Variants in GSE1 observed in about 807,000 individuals in gnomAD.
The protein encoded by GSE1 is genetic suppressor element 1.
GSE1 carries 32 observed loss-of-function variants against 112.6 expected under a neutral mutation model. That is an observed-to-expected ratio of 0.28 (90% CI 0.21 to 0.38). GSE1 has a LOEUF of 0.38. Ranked by LOEUF, GSE1 falls within the 10% of genes least tolerant of loss-of-function variation. The pLI is 1.00. For synonymous variants in GSE1, 1,115 were observed against 735.6 expected (o/e 1.52, Z -8.35); for missense variants, 2,348 against 1,699.2 (o/e 1.38, Z -6.71).
At chr16:85,243,395 C>T (rs928028757) in intron 1 of GSE1, among the ~76,000 whole-genome samples, 13 of 152,350 alleles carry the variant, frequency 8.5e-5, no homozygotes, top group South Asian at 2.1e-4. Flanking sequence ...TTACCCCAAA[C>T]GGGGACACAC....
At chr16:85,590,128 GATC>G (rs950718915) in intron 1 of GSE1, among the ~76,000 whole-genome samples, 6 of 152,120 alleles carry the variant, frequency 3.9e-5, no homozygotes, top group Non-Finnish European at 7.4e-5. Context: ...GAACGTGTGT[GATC>G]ATGACCCTGT....
intron 2 of GSE1, among the ~76,000 whole-genome samples, chr16:85,494,093 T>C (rs938089811): frequency 3.9e-5 from 6 of 152,216 alleles, no homozygotes; most frequent in African/African-American, 1.4e-4. Flanking sequence ...AGTCAGTGTA[T>C]TCGTTCCCTA....
chr16:85,283,209 C>G (rs968211281), intron 1 of GSE1: 1 of 152,898 alleles, frequency 6.5e-6, no homozygotes, highest in Admixed American at 6.5e-5. Context: ...GCCATTGGGC[C>G]CGGCCACACA....
At chr16:85,226,744 G>A (rs2075492373) in intron 1 of GSE1, among the ~76,000 whole-genome samples, 1 of 148,552 alleles carries the variant, frequency 6.7e-6, no homozygotes, top group Non-Finnish European at 1.5e-5. Context: ...GCTGCCTGTG[G>A]TGCTGCCTGG....
chr16:85,613,086 G>T, upstream of GSE1: 2 of 690,830 alleles, frequency 2.9e-6, no homozygotes, highest in Admixed American at 4.6e-5. Context: ...GGGTGGATCC[G>T]GGCGCCCGTC....
chr16:85,351,361 C>A (rs1488084422), intron 1 of GSE1, among the ~76,000 whole-genome samples: 1 of 152,170 alleles, frequency 6.6e-6, no homozygotes, highest in Non-Finnish European at 1.5e-5. Flanking sequence ...ACATGACAAA[C>A]CTGAAAACAT....
At position 85,331,683 on chromosome 16, in the gene GSE1, G is replaced by A. The variant is rs1008200568; in HGVS notation, c.2284-25780G>A. ...TATATGTGTGTGTGTGTGTGTGTGT[G>A]TGTATATATATATATATATATATAT... On this transcript the variant is annotated intron_variant, in intron 1 of 2. Transcript: ENST00000637419. Among the ~76,000 whole-genome samples, 144 of 46,412 alleles carry A rather than the reference G, an allele frequency of 3.1e-3. 5 individuals carry two copies. Among genetic ancestry groups the A allele is most frequent in the African/African-American group, 0.011 (136 of 11,834 alleles). The allele number at this position is 46,412 out of a possible 152,430, so 30.4% of individuals were successfully genotyped here.
At chr16:85,401,618 C>T (rs539026720) in intron 2 of GSE1, among the ~76,000 whole-genome samples, 37 of 152,220 alleles carry the variant, frequency 2.4e-4, no homozygotes, top group Middle Eastern at 3.4e-3. Context: ...AACACTCTGC[C>T]GAGGCCAGGG....
intron 2 of GSE1, among the ~76,000 whole-genome samples, chr16:85,431,079 G>A (rs2049109966): frequency 6.6e-6 from 1 of 152,092 alleles, no homozygotes; most frequent in African/African-American, 2.4e-5. Flanking sequence ...TGCCTCGGGG[G>A]GCGGATTTCT....
chr16:85,244,267 C>G (rs11860572), intron 1 of GSE1, among the ~76,000 whole-genome samples: 47,931 of 151,830 alleles, frequency 0.32, 8,262 homozygotes, highest in African/African-American at 0.43. Flanking sequence ...GGTGGGATGC[C>G]AGAGGCACTC....
intron 2 of GSE1, among the ~76,000 whole-genome samples, chr16:85,451,378 G>C (rs1158820922): frequency 1.3e-5 from 2 of 152,212 alleles, no homozygotes; most frequent in African/African-American, 4.8e-5. Context: ...GAGTGTGCCA[G>C]GGTTGAGACC....
chr16:85,573,450 T>C (rs918964315), intron 1 of GSE1, among the ~76,000 whole-genome samples: 2 of 152,220 alleles, frequency 1.3e-5, no homozygotes, highest in Non-Finnish European at 2.9e-5. Context: ...TTTGTGTGTC[T>C]GTATGTTTTC....
chr16:85,284,221 G>T (rs926839739), intron 1 of GSE1, among the ~76,000 whole-genome samples: 11 of 152,262 alleles, frequency 7.2e-5, no homozygotes, highest in Non-Finnish European at 1.2e-4. Context: ...TTTAGCTGTC[G>T]CTGTAGGGCG....
At chr16:85,231,328 CAGAT>C (rs1393929279) in intron 1 of GSE1, among the ~76,000 whole-genome samples, 3 of 137,968 alleles carry the variant, frequency 2.2e-5, no homozygotes, top group South Asian at 2.4e-4. Flanking sequence ...GATAGAAGGA[CAGAT>C]GGATGGATGG....
At chr16:85,394,904 G>A (rs1190498910) in intron 2 of GSE1, among the ~76,000 whole-genome samples, 1 of 152,178 alleles carries the variant, frequency 6.6e-6, no homozygotes, top group Non-Finnish European at 1.5e-5. Flanking sequence ...GAATGGTCTG[G>A]AGGAGGCACT....
At chr16:85,369,009 G>A (rs777839061) in intron 2 of GSE1, among the ~76,000 whole-genome samples, 1 of 152,168 alleles carries the variant, frequency 6.6e-6, no homozygotes, top group Non-Finnish European at 1.5e-5. Flanking sequence ...CTGTGTTGCT[G>A]TAAGAAGTCA....
chr16:85,612,150 G>T (rs913922326), upstream of GSE1, among the ~76,000 whole-genome samples: 2 of 151,832 alleles, frequency 1.3e-5, no homozygotes, highest in African/African-American at 2.4e-5. Flanking sequence ...CAGGGCGCCA[G>T]AAGGCGGCAG....
intron 1 of GSE1, among the ~76,000 whole-genome samples, chr16:85,614,220 C>A (rs956027137): frequency 6.6e-6 from 1 of 152,216 alleles, no homozygotes; most frequent in Non-Finnish European, 1.5e-5. Context: ...GCCTCCCCGC[C>A]CCCAGCCCTC....
At chr16:85,315,929 A>G (rs8052618) in intron 1 of GSE1, among the ~76,000 whole-genome samples, 18,957 of 151,520 alleles carry the variant, frequency 0.13, 1,266 homozygotes, top group Middle Eastern at 0.22. Context: ...CCCTAGTGGG[A>G]GGGGGGGTGA....
Sources: gnomAD v4.1 joint callset for allele counts (sites outside exome capture counted in the v4.1 genomes callset) on GRCh38, gnomAD v4.1.1 for gene constraint, MANE v1.5 for transcripts, NCBI Gene and HGNC (gene_info 2026-07-23, HGNC 2026-07-21) for gene names.